The following CTNND2 variants were observed in gnomAD, a reference collection of about 807,000 sequenced individuals.
CTNND2 encodes catenin delta-2.
In CTNND2, 22 loss-of-function variants were observed where a neutral mutation model predicts 144.4. That is an observed-to-expected ratio of 0.15 (90% CI 0.11 to 0.22). The LOEUF (loss-of-function observed/expected upper bound fraction) is 0.22, where lower values mean the gene tolerates loss of function less well. Ranked by LOEUF, CTNND2 falls within the 10% of genes least tolerant of loss-of-function variation. The pLI, the probability that CTNND2 is intolerant of heterozygous loss-of-function variation, is 1.00. For missense variants in CTNND2, 1,353 were observed against 1,618.8 expected (o/e 0.84, Z 2.82); for synonymous variants, 751 against 695.6 (o/e 1.08, Z -1.25).
chr5:11,672,103 C>T lies in CTNND2; in HGVS notation c.174+60033G>A, dbSNP rs182875815. Among the ~76,000 whole-genome samples the T allele has an allele frequency of 7.8e-3, 1,183 of 152,286 alleles. 7 individuals carry two copies. Among genetic ancestry groups the T allele is most frequent in the Non-Finnish European group, 0.012 (792 of 68,012 alleles). On this transcript the variant is annotated intron_variant, in intron 2 of 21. Transcript: ENST00000304623. ...CAGACCCTGTTTGCCTGGGTATCAC[C>T]GGCAGAGGCTGCAGATCAGCAAAGA...
rs201673581 is a variant in CTNND2 at position 11,647,234 on chromosome 5, A to G, written c.175-82178T>C. On this transcript the variant is annotated intron_variant, in intron 2 of 21. Coordinates refer to ENST00000304623, the MANE Select transcript of CTNND2 (RefSeq NM_001332.4). Reference sequence around the variant, plus strand: ...CTGCCCCACCCCAATTCTTTTGTCAATTTTCTGGTCATTGCTAGTCCGGCA... The same window carrying G: ...CTGCCCCACCCCAATTCTTTTGTCAGTTTTCTGGTCATTGCTAGTCCGGCA... Among the ~76,000 whole-genome samples, 89 of 152,090 alleles carry G rather than the reference A, an allele frequency of 5.9e-4. No individual in the cohort carries two copies. In the East Asian group the frequency reaches 0.013, roughly 23 times the overall value.
chr5:11,102,512 G>A (rs1751996109), intron 14 of CTNND2, among the ~76,000 whole-genome samples: 1 of 152,122 alleles, frequency 6.6e-6, no homozygotes, highest in African/African-American at 2.4e-5. Context: ...CCAATAGATT[G>A]ATTTTTTGCC....
At chr5:11,521,806 G>A (rs1255259526) in intron 3 of CTNND2, among the ~76,000 whole-genome samples, 1 of 152,176 alleles carries the variant, frequency 6.6e-6, no homozygotes, top group Non-Finnish European at 1.5e-5. Context: ...ATGATGCATA[G>A]CCGATGTTAA....
At chr5:11,032,762 GTTCTATA>G (rs1356180828) in intron 16 of CTNND2, among the ~76,000 whole-genome samples, 1 of 152,174 alleles carries the variant, frequency 6.6e-6, no homozygotes, top group Non-Finnish European at 1.5e-5. Flanking sequence ...GTCTCAAAAG[GTTCTATA>G]TTGTAAGATA....
intron 15 of CTNND2, among the ~76,000 whole-genome samples, chr5:11,085,655 A>G (rs1750055310): frequency 6.6e-6 from 1 of 152,206 alleles, no homozygotes; most frequent in Non-Finnish European, 1.5e-5. Flanking sequence ...AATATATTTG[A>G]AAGAGAATTG....
intron 7 of CTNND2, among the ~76,000 whole-genome samples, chr5:11,371,462 A>AG (rs1292546594): frequency 2.0e-5 from 3 of 152,232 alleles, no homozygotes; most frequent in Non-Finnish European, 4.4e-5. Context: ...ACATTAAGAA[A>AG]GGTGTGCCTC....
intron 2 of CTNND2, among the ~76,000 whole-genome samples, chr5:11,655,085 T>C (rs1782842302): frequency 6.6e-6 from 1 of 152,144 alleles, no homozygotes; most frequent in Non-Finnish European, 1.5e-5. Flanking sequence ...TATACTGGGT[T>C]AAATAAATCA....
chr5:11,619,233 A>T (rs956288917), intron 2 of CTNND2, among the ~76,000 whole-genome samples: 5 of 152,030 alleles, frequency 3.3e-5, no homozygotes, highest in South Asian at 4.2e-4. Context: ...CATGATGAAA[A>T]CCCATCTCTA....
At chr5:11,872,160 T>C (rs1300221479) in intron 1 of CTNND2, among the ~76,000 whole-genome samples, 1 of 152,112 alleles carries the variant, frequency 6.6e-6, no homozygotes, top group East Asian at 1.9e-4. Context: ...TGTGTTAGTT[T>C]TCTGAGAATG....
At chr5:11,246,777 G>A (rs540281341) in intron 9 of CTNND2, among the ~76,000 whole-genome samples, 7 of 152,178 alleles carry the variant, frequency 4.6e-5, no homozygotes, top group South Asian at 4.2e-4. Flanking sequence ...AGACTGCTCC[G>A]AGAAGGTGAC....
chr5:11,588,567 C>T (rs1246908654), intron 2 of CTNND2, among the ~76,000 whole-genome samples: 1 of 152,142 alleles, frequency 6.6e-6, no homozygotes, highest in South Asian at 2.1e-4. Flanking sequence ...TGTTCAGATG[C>T]TGAATAAATT....
chr5:11,512,882 C>T (rs537865122), intron 3 of CTNND2, among the ~76,000 whole-genome samples: 5 of 152,148 alleles, frequency 3.3e-5, no homozygotes, highest in Admixed American at 1.3e-4. Flanking sequence ...GACAGATGCT[C>T]CCAAACTACA....
At chr5:11,318,950 A>G (rs1234680172) in intron 9 of CTNND2, among the ~76,000 whole-genome samples, 1 of 151,866 alleles carries the variant, frequency 6.6e-6, no homozygotes, top group Non-Finnish European at 1.5e-5. Flanking sequence ...ATTAATAATG[A>G]GAGAACATAC....
chr5:11,416,390 C>T (rs945860228), intron 3 of CTNND2, among the ~76,000 whole-genome samples: 1 of 152,186 alleles, frequency 6.6e-6, no homozygotes, highest in African/African-American at 2.4e-5. Context: ...AAGCACTAAT[C>T]ACTTCAATGG....
At chr5:11,221,814 G>T (rs941269599) in intron 10 of CTNND2, among the ~76,000 whole-genome samples, 2 of 152,090 alleles carry the variant, frequency 1.3e-5, no homozygotes, top group African/African-American at 2.4e-5. Flanking sequence ...GTGCTGAGTC[G>T]GTAGCAATAA....
In CTNND2 at chr5:11,346,442, C is replaced by A; in HGVS notation, c.1558G>T (p.Gly520Cys). Residue 520 changes from glycine to cysteine, a missense_variant, in exon 9 of 22, where the codon GGC becomes TGC. By Grantham distance (159) the Gly-to-Cys change is radical. Transcript: ENST00000304623. ...GTGCCTTCAGGCGGGAGAGCAGGGCCGGATTTGCTGTATGGAGACTCAACA... is the reference window on the plus strand; with the variant it reads ...GTGCCTTCAGGCGGGAGAGCAGGGCAGGATTTGCTGTATGGAGACTCAACA... ...PSVESPYSKS[G>C]PALPPEGTLA... 5 of 1,565,372 alleles carry A rather than the reference C, an allele frequency of 3.2e-6. No individual in the cohort carries two copies. Among genetic ancestry groups the A allele is most frequent in the Non-Finnish European group, 4.3e-6 (5 of 1,152,608 alleles).
At chr5:11,222,556 A>G (rs959272117) in intron 10 of CTNND2, among the ~76,000 whole-genome samples, 6 of 152,224 alleles carry the variant, frequency 3.9e-5, no homozygotes, top group African/African-American at 1.4e-4. Flanking sequence ...CTGTATTCTC[A>G]GCACTTTGGG....
intron 9 of CTNND2, among the ~76,000 whole-genome samples, chr5:11,265,698 A>ATTTT (rs5865929): frequency 7.4e-4 from 57 of 77,410 alleles, no homozygotes; most frequent in Non-Finnish European, 8.7e-4. Flanking sequence ...TGTATTCTCT[A>ATTTT]TTTTTTTTTT....
At position 11,758,215 on chromosome 5, in the gene CTNND2, A is replaced by C. The variant is rs114521151; in HGVS notation, c.38-25943T>G. 3.9e-3 allele frequency among the ~76,000 whole-genome samples: 598 copies of C among 152,030 alleles called. 4 individuals carry two copies. The highest frequency in any genetic ancestry group is 0.013 in the African/African-American group (556 of 41,506). On this transcript the variant is annotated intron_variant, in intron 1 of 21. Transcript: ENST00000304623. ...CCCTATGATACCAATATCTATTTAA[A>C]ATTTGTATTTTTAATTGATACATAA...
Sources: gnomAD v4.1 joint callset for allele counts (sites outside exome capture counted in the v4.1 genomes callset) on GRCh38, gnomAD v4.1.1 for gene constraint, MANE v1.5 for transcripts, NCBI Gene and HGNC (gene_info 2026-07-23, HGNC 2026-07-21) for gene names.